Variants in LRP2BP observed in about 807,000 individuals in gnomAD.
LRP2BP encodes the protein LRP2-binding protein.
In LRP2BP, 38 loss-of-function variants were observed where a neutral mutation model predicts 45.2. The ratio of observed to expected loss-of-function variants is 0.84; its 90% CI spans 0.65 to 1.10. LRP2BP has a LOEUF of 1.10. LRP2BP is among the 50% of genes least tolerant of loss of function. LRP2BP has a pLI of 0.00. For synonymous variants in LRP2BP, 153 were observed against 153.9 expected (o/e 0.99, Z 0.04); for missense variants, 385 against 418.9 (o/e 0.92, Z 0.71).
chr4:185,368,058 G>A (rs764795829), intron 8 of LRP2BP, among the ~76,000 whole-genome samples: 6 of 152,150 alleles, frequency 3.9e-5, no homozygotes, highest in South Asian at 2.1e-4. Flanking sequence ...GGCGCCTGTG[G>A]TGCCAGCTAC....
At chr4:185,374,075 A>G in intron 6 of LRP2BP, 60 bp downstream of exon 6, 3 of 1,357,388 alleles carry the variant, frequency 2.2e-6, no homozygotes, top group Non-Finnish European at 3.1e-6. Flanking sequence ...TCTCAAAAAA[A>G]GCAGTGAAAC....
chr4:185,374,354 T>C lies in LRP2BP; in HGVS notation c.438A>G (p.Gly146=). The change falls in exon 5 of 9, where the codon GGA becomes GGG. Residue 146 remains glycine, a synonymous_variant. Transcript: ENST00000505916. ...CCTCATTTGATCGTTTAACACCTTT[T>C]CCTTCATAATAAGCTCTTCCGAGGT... ...AYNLGRAYYE[G]KGVKRSNEEA... is the part of the protein sequence containing the mutation. The C allele has an allele frequency of 6.2e-7, 1 of 1,614,178 alleles. No homozygotes were observed. Among genetic ancestry groups the C allele is most frequent in the Non-Finnish European group, 8.5e-7 (1 of 1,180,022 alleles).
chr4:185,396,959 C>G (rs1279136790), upstream of LRP2BP: 8 of 1,613,454 alleles, frequency 5.0e-6, no homozygotes, highest in Middle Eastern at 1.7e-4. Context: ...AGGTGAGATT[C>G]GGGCTCACAG....
intron 1 of LRP2BP, among the ~76,000 whole-genome samples, chr4:185,387,124 C>A (rs1347172999): frequency 2.0e-5 from 3 of 152,028 alleles, no homozygotes; most frequent in East Asian, 1.9e-4. Flanking sequence ...GGGTGCCTGT[C>A]ATCCCAGCTA....
upstream of LRP2BP, chr4:185,396,644 G>T (rs916167848): frequency 3.5e-5 from 17 of 486,022 alleles, 1 homozygote; most frequent in South Asian, 4.4e-4. Flanking sequence ...GGCCTCGCGC[G>T]CCCGCCCCCT....
At chr4:185,397,175 A>C, upstream of LRP2BP, 1 of 1,613,688 alleles carries the variant, frequency 6.2e-7, no homozygotes, top group East Asian at 2.2e-5. Flanking sequence ...CATTTGCTGG[A>C]GACAGGGGCC....
At chr4:185,396,774 C>A, upstream of LRP2BP, 2 of 800,516 alleles carry the variant, frequency 2.5e-6, no homozygotes, top group South Asian at 1.5e-5. Flanking sequence ...GGAGCTGGGG[C>A]GCGGCTGCCA....
intron 1 of LRP2BP, chr4:185,379,071 C>T (rs2095447614): frequency 1.5e-6 from 1 of 646,942 alleles, no homozygotes; most frequent in Non-Finnish European, 1.9e-6. Context: ...GGAAAAAAAT[C>T]ACTGAATTAT....
intron 1 of LRP2BP, among the ~76,000 whole-genome samples, chr4:185,379,194 T>C (rs1176150848): frequency 6.6e-6 from 1 of 152,246 alleles, no homozygotes; most frequent in Non-Finnish European, 1.5e-5. Context: ...TTTTTAGATA[T>C]ATACAATTCT....
intron 1 of LRP2BP, chr4:185,390,949 C>G (rs554087942): frequency 6.6e-6 from 1 of 152,256 alleles, no homozygotes; most frequent in South Asian, 2.1e-4. Context: ...GTGAAAATTA[C>G]CTAAAACTCT....
At position 185,377,009 on chromosome 4, in the gene LRP2BP, T is replaced by C. The variant is rs746481454; in HGVS notation, c.116A>G (p.His39Arg). Residue 39 changes from histidine (H) to arginine (R), a missense_variant, in exon 3 of 9, where the codon CAT (histidine) becomes CGT (arginine). Transcript: ENST00000505916. ...CAATGCCTTATCCACCAAATTAGCA[T>C]GGGTGTAATCTGATTTTAAAAAGGT... The part of the protein sequence containing the change: ...QWKKEKTDYT[H>R]ANLVDKALQL... 1 of 1,609,882 alleles carries C rather than the reference T, an allele frequency of 6.2e-7. No individual in the cohort carries two copies. Among genetic ancestry groups the C allele is most frequent in the Non-Finnish European group, 8.5e-7 (1 of 1,176,074 alleles).
intron 1 of LRP2BP, 126 bp downstream of exon 1, chr4:185,394,653 A>G (rs939550080): frequency 6.3e-6 from 4 of 636,406 alleles, no homozygotes; most frequent in Non-Finnish European, 5.9e-6. Context: ...TGAACTACAT[A>G]TAGTGCTCTC....
At chr4:185,396,930 T>C, upstream of LRP2BP, 2 of 1,613,656 alleles carry the variant, frequency 1.2e-6, no homozygotes, top group Non-Finnish European at 1.7e-6. Context: ...GGAAATGCTG[T>C]TGCTGGATTG....
intron 6 of LRP2BP, 59 bp from the exon 7 acceptor site, chr4:185,373,138 A>T: frequency 7.0e-7 from 1 of 1,438,230 alleles, no homozygotes; most frequent in Non-Finnish European, 9.7e-7. Flanking sequence ...ATTATAAGGG[A>T]ATACTAGACA....
intron 1 of LRP2BP, among the ~76,000 whole-genome samples, chr4:185,383,444 C>T (rs2095461462): frequency 6.6e-6 from 1 of 152,232 alleles, no homozygotes; most frequent in South Asian, 2.1e-4. Context: ...TGTGCCATTG[C>T]ACTCCAACCT....
At position 185,364,219 on chromosome 4, in the gene LRP2BP, G is replaced by A. The variant is rs1302138907; in HGVS notation, c.*2961C>T. ...GGAGGAGAGATGGGAGCTGACCCTT[G>A]GAGTATGGGCAGGGCCGAGATGGGG... On this transcript the variant is annotated 3_prime_UTR_variant, in exon 9 of 9. Transcript: ENST00000505916. 2 of 152,180 alleles carry A rather than the reference G, an allele frequency of 1.3e-5. No homozygotes were observed. The highest frequency in any genetic ancestry group is 2.9e-5 in the Non-Finnish European group (2 of 68,058). 9.4% of individuals were successfully genotyped at this position (152,180 alleles called of 1,614,324 possible). A position where few individuals can be genotyped will look rare whatever the true frequency, so the allele number is the denominator to read the frequency against.
intron 3 of LRP2BP, 74 bp downstream of exon 3, chr4:185,376,835 C>G: frequency 2.0e-6 from 2 of 1,014,940 alleles, no homozygotes; most frequent in South Asian, 1.4e-5. Context: ...GTAAGAAACT[C>G]TACATGAAAT....
Position 185,373,053 on chromosome 4 carries a change from A to G in LRP2BP, c.606T>C (p.Cys202=), listed in dbSNP as rs2095421262. The G allele has an allele frequency of 5.0e-6, 8 of 1,610,076 alleles. No homozygotes were observed. The highest frequency in any genetic ancestry group is 5.9e-6 in the Non-Finnish European group (7 of 1,176,530). The change falls in exon 7 of 9, where the codon TGT becomes TGC. Residue 202 remains cysteine, a synonymous_variant. Coordinates refer to ENST00000505916, the MANE Select transcript of LRP2BP (RefSeq NM_001377440.1). ...EKAFYWHSEA[C]GNGNLESQGA... Reference sequence around the variant, plus strand: ...CCTGGGACTCCAGATTCCCATTGCCACATGCTTCGGAATGCCAGTAAAATG... The same window carrying G: ...CCTGGGACTCCAGATTCCCATTGCCGCATGCTTCGGAATGCCAGTAAAATG...
intron 6 of LRP2BP, 131 bp downstream of exon 6, chr4:185,374,004 A>G: frequency 1.3e-6 from 1 of 745,068 alleles, no homozygotes; most frequent in South Asian, 1.9e-5. Context: ...CCTAAAATGT[A>G]TGCTTTCTTT....
Sources: allele counts gnomAD v4.1 joint callset (sites outside exome capture counted in the v4.1 genomes callset), GRCh38; gene constraint gnomAD v4.1.1; transcripts MANE v1.5; gene names NCBI Gene and HGNC (gene_info 2026-07-23, HGNC 2026-07-21).